Variants in PCDHGA7 observed in about 807,000 individuals in gnomAD.
The protein encoded by PCDHGA7 is protocadherin gamma-A7.
PCDHGA7 carries 44 observed loss-of-function variants against 58.3 expected under a neutral mutation model. The ratio of observed to expected loss-of-function variants is 0.75; its 90% confidence interval spans 0.59 to 0.97. PCDHGA7 has a LOEUF of 0.97. PCDHGA7 is among the 50% of genes least tolerant of loss of function. The pLI is 0.00. For synonymous variants in PCDHGA7, 516 were observed against 504.2 expected, an observed-to-expected ratio of 1.02 and a Z score of -0.31; for missense variants, 1,266 against 1,188.7, an observed-to-expected ratio of 1.06 and a Z score of -0.96.
At chr5:141,409,153 G>A in intron 1 of PCDHGA7, 1 of 1,614,026 alleles carries the variant, frequency 6.2e-7, no homozygotes. Context: ...GGTACACCAT[G>A]GAAGTGGAAG....
chr5:141,414,822 C>G, intron 1 of PCDHGA7: 3 of 1,614,240 alleles, frequency 1.9e-6, no homozygotes, highest in Non-Finnish European at 2.5e-6. Flanking sequence ...TCAGCAGCAA[C>G]GTGTCGTTGA....
chr5:141,450,734 G>A (rs1365470415), intron 1 of PCDHGA7, among the ~76,000 whole-genome samples: 6 of 151,868 alleles, frequency 4.0e-5, no homozygotes, highest in South Asian at 2.1e-4. Context: ...TGATCCGCCC[G>A]CCTTGGCCTC....
rs1029546280 is a variant in PCDHGA7 at position 141,423,551 on chromosome 5, A to G, written c.2424+38228A>G. On this transcript the variant is annotated intron_variant, in intron 1 of 3. Coordinates refer to ENST00000518325, the MANE Select transcript of PCDHGA7 (RefSeq NM_018920.4). ...AGTCACCTGATTTTCCCCCAGCCCA[A>G]CTATGGGGACACGCTCATCAGCCAG... The G allele has an allele frequency of 2.5e-6, 4 of 1,613,498 alleles. No individual in the cohort carries two copies. The African/African-American group carries it at 5.3e-5, about 22-fold the overall frequency.
chr5:141,437,346 T>C (rs143931647), intron 1 of PCDHGA7, among the ~76,000 whole-genome samples: 2 of 152,380 alleles, frequency 1.3e-5, no homozygotes, highest in East Asian at 3.9e-4. Flanking sequence ...CACTGTTTTA[T>C]AGTACCTAAA....
rs758132181 is a variant in PCDHGA7, at chr5:141,486,827, C to T, written c.2425-7980C>T. On this transcript the variant is annotated intron_variant, in intron 1 of 3. Coordinates refer to ENST00000518325, the MANE Select transcript of PCDHGA7 (RefSeq NM_018920.4). This position sits in a 1 kb window ranked among gnomAD's most constrained non-coding sequence, Gnocchi z 5.0. The stretch of plus-strand genomic sequence containing the variant: ...ACCCCTTAGCAGCACTGTAACAGTT[C>T]GTCTATTTGTGCTGGACCTCAATGA... 10 of 1,614,110 alleles carry T rather than the reference C, an allele frequency of 6.2e-6. No individual in the cohort carries two copies. The African/African-American group carries it at 8.0e-5, about 13-fold the overall frequency.
chr5:141,443,118 C>A (rs1474257262), intron 1 of PCDHGA7, among the ~76,000 whole-genome samples: 1 of 151,762 alleles, frequency 6.6e-6, no homozygotes, highest in Non-Finnish European at 1.5e-5. Flanking sequence ...GCTTTTCAAA[C>A]CAGATTAAGA....
intron 1 of PCDHGA7, chr5:141,423,473 C>A: frequency 6.2e-7 from 1 of 1,614,010 alleles, no homozygotes; most frequent in Non-Finnish European, 8.5e-7. Flanking sequence ...GGGGTACAGG[C>A]TTTCCTGCAA....
chr5:141,390,398 A>G, intron 1 of PCDHGA7: 1 of 1,365,554 alleles, frequency 7.3e-7, no homozygotes, highest in Non-Finnish European at 1.0e-6. Flanking sequence ...GGATCATTTT[A>G]GGAAAGTTGT....
chr5:141,399,775 G>T, intron 1 of PCDHGA7: 3 of 1,613,282 alleles, frequency 1.9e-6, no homozygotes, highest in Non-Finnish European at 2.5e-6. Context: ...GTTGGTGGGC[G>T]ACCGAAACGA....
Position 141,409,459 on chromosome 5 carries a change from T to C in PCDHGA7, c.2424+24136T>C, listed in dbSNP as rs139792503. On this transcript the variant is annotated intron_variant, in intron 1 of 3. Coordinates refer to ENST00000518325, the MANE Select transcript of PCDHGA7 (RefSeq NM_018920.4). ...ACCGAGAGCAGACACCAGAATACAA[T>C]GTCACCATCGTAGCCACTGACAGGG... 4.9e-3 allele frequency: 7,986 copies of C among 1,613,950 alleles called. 44 individuals are homozygous for C. The highest frequency in any genetic ancestry group is 9.4e-3 in the Admixed American group (567 of 60,028).
intron 1 of PCDHGA7, among the ~76,000 whole-genome samples, chr5:141,443,085 G>A (rs991288098): frequency 3.9e-5 from 6 of 151,916 alleles, no homozygotes; most frequent in Admixed American, 2.6e-4. Flanking sequence ...GAGTGTTCCA[G>A]TCTCCTTCTC....
intron 1 of PCDHGA7, among the ~76,000 whole-genome samples, chr5:141,406,188 T>C (rs1313997032): frequency 6.6e-6 from 1 of 151,612 alleles, no homozygotes; most frequent in African/African-American, 2.4e-5. Flanking sequence ...TCCTCCCACC[T>C]CAGCCTTCAC....
chr5:141,421,409 C>T, intron 1 of PCDHGA7: 1 of 1,614,026 alleles, frequency 6.2e-7, no homozygotes, highest in Non-Finnish European at 8.5e-7. Context: ...CGGGAGCTGG[C>T]GAAGCGCGGA....
intron 1 of PCDHGA7, chr5:141,392,860 T>A (rs726684): frequency 2.5e-6 from 4 of 1,612,016 alleles, no homozygotes; most frequent in Admixed American, 3.4e-5. Flanking sequence ...CTGATCCTGC[T>A]GTGCGCGCTG....
At chr5:141,423,557 G>C in intron 1 of PCDHGA7, 2 of 1,613,654 alleles carry the variant, frequency 1.2e-6, no homozygotes, top group Non-Finnish European at 1.7e-6. Context: ...CCCAACTATG[G>C]GGACACGCTC....
In PCDHGA7 at chr5:141,394,367, A is replaced by G. The variant is rs201573539; in HGVS notation, c.2424+9044A>G. 248 of 1,614,150 alleles carry G rather than the reference A, an allele frequency of 1.5e-4. 1 individual carries two copies. Among genetic ancestry groups the G allele is most frequent in the Middle Eastern group, 1.2e-3 (7 of 6,062 alleles). The stretch of plus-strand genomic sequence containing the variant: ...ACACCGGTGTCCTGTATGCGCTGCA[A>G]TCTTTCGACTATGAGCAGATCCGAG... On this transcript the variant is annotated intron_variant, in intron 1 of 3. Coordinates refer to ENST00000518325, the MANE Select transcript of PCDHGA7 (RefSeq NM_018920.4).
At chr5:141,497,142 C>T (rs1316569011) in intron 2 of PCDHGA7, among the ~76,000 whole-genome samples, 2 of 149,678 alleles carry the variant, frequency 1.3e-5, no homozygotes, top group South Asian at 2.1e-4. Context: ...GCTGAGATCA[C>T]GAAAAAAAAA....
chr5:141,415,432 T>G, intron 1 of PCDHGA7: 1 of 1,614,222 alleles, frequency 6.2e-7, no homozygotes, highest in East Asian at 2.2e-5. Flanking sequence ...GGTTCGGGCT[T>G]TCCTGCAGAC....
intron 1 of PCDHGA7, among the ~76,000 whole-genome samples, chr5:141,483,466 A>C (rs1212605130): frequency 6.6e-6 from 1 of 152,188 alleles, no homozygotes. Context: ...GTTGATTGAC[A>C]TGATATAGGA....
Sources: gnomAD v4.1 joint callset for allele counts (sites outside exome capture counted in the v4.1 genomes callset) on GRCh38, gnomAD v4.1.1 for gene constraint, Gnocchi (gnomAD v3.1) non-coding constraint, MANE v1.5 for transcripts, NCBI Gene and HGNC (gene_info 2026-07-23, HGNC 2026-07-21) for gene names.